The following GNAL variants were observed in gnomAD, a reference collection of about 807,000 sequenced individuals.
GNAL encodes G protein subunit alpha L.
A neutral mutation model predicts 55.1 loss-of-function variants in GNAL; 18 were observed. The ratio of observed to expected loss-of-function variants is 0.33; its 90% CI spans 0.23 to 0.48. The LOEUF is 0.48. Ranked by LOEUF, GNAL falls within the 20% of genes least tolerant of loss-of-function variation. GNAL has a pLI of 0.99. For synonymous variants in GNAL, 253 were observed against 237.0 expected, an observed-to-expected ratio of 1.07 and a Z score of -0.62; for missense variants, 412 against 614.1, an observed-to-expected ratio of 0.67 and a Z score of 3.48.
At chr18:11,775,873 A>T (rs929191956) in intron 4 of GNAL, among the ~76,000 whole-genome samples, 5 of 152,168 alleles carry the variant, frequency 3.3e-5, no homozygotes, top group African/African-American at 1.2e-4. Flanking sequence ...GTGGGAAAAA[A>T]GTTTTATTGC....
At chr18:11,808,999 A>G (rs112074013) in intron 4 of GNAL, among the ~76,000 whole-genome samples, 9,924 of 152,278 alleles carry the variant, frequency 0.065, 481 homozygotes, top group African/African-American at 0.13. Context: ...GCTCGTGCCT[A>G]TAAATCCCAG....
intron 4 of GNAL, among the ~76,000 whole-genome samples, chr18:11,777,016 C>G (rs2033804621): frequency 6.6e-6 from 1 of 152,194 alleles, no homozygotes; most frequent in Non-Finnish European, 1.5e-5. Flanking sequence ...TCCTCAACAT[C>G]AGAATTGGAA....
At chr18:11,825,071 T>G in intron 5 of GNAL, 56 bp downstream of exon 5, 14 of 841,520 alleles carry the variant, frequency 1.7e-5, no homozygotes, top group East Asian at 2.5e-5. Flanking sequence ...ATTGCATGCA[T>G]GATTATGCTG....
In GNAL at chr18:11,882,946, A is replaced by C. The variant is rs2036743910; in HGVS notation, c.*1811A>C. The C allele has an allele frequency of 6.8e-6, 1 of 146,922 alleles. No homozygotes were observed. Among genetic ancestry groups the C allele is most frequent in the Non-Finnish European group, 1.5e-5 (1 of 65,784 alleles). 9.1% of individuals were successfully genotyped at this position (146,922 alleles called of 1,614,324 possible). A position where few individuals can be genotyped will look rare whatever the true frequency, so the allele number is the denominator to read the frequency against. The stretch of plus-strand genomic sequence containing the variant: ...TATTCTAGCTGTAGCCACAGAGTTG[A>C]GGGTAGTTTTTGTAGGTCTAAAATA... On this transcript the variant is annotated 3_prime_UTR_variant, in exon 12 of 12. Transcript: ENST00000334049.
At chr18:11,796,839 C>T (rs548472169) in intron 4 of GNAL, among the ~76,000 whole-genome samples, 1 of 152,218 alleles carries the variant, frequency 6.6e-6, no homozygotes, top group African/African-American at 2.4e-5. Flanking sequence ...TATCCCATTA[C>T]TCATTTCCAA....
chr18:11,761,450 G>C (rs903986446), intron 4 of GNAL, among the ~76,000 whole-genome samples: 1 of 152,166 alleles, frequency 6.6e-6, no homozygotes. Flanking sequence ...GTTACCAGCA[G>C]GCCCCAGAGC....
At position 11,868,498 on chromosome 18, in the gene GNAL, G is replaced by A; in HGVS notation, c.911-45G>A. 6.4e-7 allele frequency: 1 copy of A among 1,563,128 alleles called. No homozygotes were observed. Among genetic ancestry groups the A allele is most frequent in the Non-Finnish European group, 8.7e-7 (1 of 1,147,220 alleles). ...GTGTGTACTTTCTTGTAACTCCACAGTGAGGATGTCTAACTGAGGTGCTTT... is the reference window on the plus strand; with the variant it reads ...GTGTGTACTTTCTTGTAACTCCACAATGAGGATGTCTAACTGAGGTGCTTT... On this transcript the variant is annotated intron_variant, in intron 8 of 11. Transcript: ENST00000334049. The surrounding 1 kb of genome is among the most constrained non-coding windows in gnomAD (Gnocchi z 4.0).
At chr18:11,742,597 A>G (rs2032601619) in intron 1 of GNAL, among the ~76,000 whole-genome samples, 1 of 152,224 alleles carries the variant, frequency 6.6e-6, no homozygotes, top group Non-Finnish European at 1.5e-5. Flanking sequence ...TCATATGCTC[A>G]CCCGACCTCT....
At chr18:11,767,487 G>A (rs2033447225) in intron 4 of GNAL, among the ~76,000 whole-genome samples, 1 of 151,470 alleles carries the variant, frequency 6.6e-6, no homozygotes, top group African/African-American at 2.4e-5. Context: ...TGCTCTTGCT[G>A]CTTGCATGCC....
At chr18:11,732,786 A>G (rs2032368514) in intron 1 of GNAL, among the ~76,000 whole-genome samples, 1 of 152,236 alleles carries the variant, frequency 6.6e-6, no homozygotes, top group South Asian at 2.1e-4. Context: ...TGTTTTGTCA[A>G]TGTAAATGTT....
chr18:11,828,528 C>A (rs111467947), intron 5 of GNAL, among the ~76,000 whole-genome samples: 18 of 152,304 alleles, frequency 1.2e-4, no homozygotes, highest in Admixed American at 3.9e-4. Flanking sequence ...AATTCATACA[C>A]CTCTGCATTT....
chr18:11,878,535 C>T (rs943411946), intron 11 of GNAL, among the ~76,000 whole-genome samples: 3 of 152,132 alleles, frequency 2.0e-5, no homozygotes, highest in Non-Finnish European at 2.9e-5. Flanking sequence ...TAGACAGGGA[C>T]AAATAGTCAC....
chr18:11,840,142 T>C (rs2035582219), intron 5 of GNAL, among the ~76,000 whole-genome samples: 1 of 152,240 alleles, frequency 6.6e-6, no homozygotes, highest in Non-Finnish European at 1.5e-5. Context: ...TCCACACAAA[T>C]AGAATTTCCA....
chr18:11,744,753 C>T (rs944491119), intron 1 of GNAL, among the ~76,000 whole-genome samples: 2 of 152,232 alleles, frequency 1.3e-5, no homozygotes, highest in Non-Finnish European at 2.9e-5. Context: ...CTCTCTCACC[C>T]AGGCTGGAGT....
chr18:11,761,900 G>T (rs1259001035), intron 4 of GNAL, among the ~76,000 whole-genome samples: 1 of 152,102 alleles, frequency 6.6e-6, no homozygotes, highest in Admixed American at 6.5e-5. Flanking sequence ...TTTTTAAAAT[G>T]CACAATAATC....
At chr18:11,815,549 G>A (rs1258336012) in intron 4 of GNAL, among the ~76,000 whole-genome samples, 10 of 152,222 alleles carry the variant, frequency 6.6e-5, no homozygotes, top group African/African-American at 1.9e-4. Context: ...CTAAGTCACC[G>A]AGGGGGAAGT....
chr18:11,856,340 C>G (rs1325626174), intron 5 of GNAL, among the ~76,000 whole-genome samples: 1 of 151,388 alleles, frequency 6.6e-6, no homozygotes, highest in African/African-American at 2.5e-5. Context: ...GTGTCAGTCT[C>G]TGGGCCTGGT....
chr18:11,698,702 G>A (rs916045155), intron 1 of GNAL, among the ~76,000 whole-genome samples: 1 of 147,962 alleles, frequency 6.8e-6, no homozygotes, highest in South Asian at 2.1e-4. Flanking sequence ...CTGGGGTGAT[G>A]ACGGATGAGA....
At chr18:11,858,491 T>C (rs748835662) in intron 5 of GNAL, among the ~76,000 whole-genome samples, 1 of 152,232 alleles carries the variant, frequency 6.6e-6, no homozygotes, top group South Asian at 2.1e-4. Flanking sequence ...TGCAAAATTC[T>C]ATGTATGATT....
Sources: allele counts gnomAD v4.1 joint callset (sites outside exome capture counted in the v4.1 genomes callset), GRCh38; gene constraint gnomAD v4.1.1; non-coding constraint Gnocchi (gnomAD v3.1); transcripts MANE v1.5; gene names NCBI Gene and HGNC (gene_info 2026-07-23, HGNC 2026-07-21).